Variants in PARD3B observed in about 807,000 individuals in gnomAD.
The protein encoded by PARD3B is partitioning defective 3 homolog B.
Under a neutral mutation model 130.2 loss-of-function variants are expected in PARD3B, and 103 were observed. The observed-to-expected ratio is 0.79, with a 90% confidence interval of 0.67 to 0.93. The LOEUF (loss-of-function observed/expected upper bound fraction) is 0.93, where lower values mean the gene tolerates loss of function less well. Ranked by LOEUF, PARD3B falls within the 40% of genes least tolerant of loss-of-function variation. PARD3B has a pLI of 0.00. For missense variants in PARD3B, 1,609 were observed against 1,499.2 expected (o/e 1.07, Z -1.21); for synonymous variants, 583 against 553.2 (o/e 1.05, Z -0.76).
At chr2:204,818,860 T>C (rs2043234568) in intron 2 of PARD3B, among the ~76,000 whole-genome samples, 1 of 152,236 alleles carries the variant, frequency 6.6e-6, no homozygotes, top group African/African-American at 2.4e-5. Context: ...GATTGAACTA[T>C]TAAATGGAAG....
intron 20 of PARD3B, among the ~76,000 whole-genome samples, chr2:205,462,813 ACT>A (rs2048495491): frequency 6.6e-6 from 1 of 152,104 alleles, no homozygotes; most frequent in African/African-American, 2.4e-5. Flanking sequence ...TTGATTGCAG[ACT>A]CTTAGTCTAG....
At chr2:205,031,407 G>A (rs963680656) in intron 3 of PARD3B, among the ~76,000 whole-genome samples, 2 of 151,986 alleles carry the variant, frequency 1.3e-5, no homozygotes, top group African/African-American at 4.8e-5. Flanking sequence ...ACTGTGCATT[G>A]GTTTGCTTAC....
chr2:205,239,946 G>C (rs11893793), intron 15 of PARD3B, among the ~76,000 whole-genome samples: 16,875 of 152,124 alleles, frequency 0.11, 1,035 homozygotes, highest in African/African-American at 0.17. Flanking sequence ...GTGTGTGTGG[G>C]TGTGGGTGTG....
Position 205,151,356 on chromosome 2 carries a change from G to C in PARD3B, c.1435-7366G>C, listed in dbSNP as rs186563954. On this transcript the variant is annotated intron_variant, in intron 10 of 22. Coordinates refer to ENST00000406610, the MANE Select transcript of PARD3B (RefSeq NM_001302769.2). Reference sequence around the variant, plus strand: ...CTCATTGATCTGTCTAGTGTTGACAGCAGGGTGTTAAAGTCTCCCATTATT... The same window carrying C: ...CTCATTGATCTGTCTAGTGTTGACACCAGGGTGTTAAAGTCTCCCATTATT... Among the ~76,000 whole-genome samples, 16 of 152,324 alleles carry C rather than the reference G, an allele frequency of 1.1e-4. No homozygotes were observed. In the East Asian group the frequency reaches 3.1e-3, roughly 29 times the overall value.
At chr2:204,693,597 C>T (rs753035528) in intron 2 of PARD3B, among the ~76,000 whole-genome samples, 5 of 152,032 alleles carry the variant, frequency 3.3e-5, no homozygotes, top group Non-Finnish European at 7.4e-5. Context: ...ATGTAAATTA[C>T]ATTATTTAAA....
chr2:205,236,084 G>T (rs2039049615), intron 15 of PARD3B, among the ~76,000 whole-genome samples: 1 of 152,146 alleles, frequency 6.6e-6, no homozygotes, highest in Non-Finnish European at 1.5e-5. Context: ...CAATAAATTT[G>T]ACAACTAAAA....
At chr2:205,455,224 G>A (rs1296851350) in intron 20 of PARD3B, among the ~76,000 whole-genome samples, 5 of 151,942 alleles carry the variant, frequency 3.3e-5, no homozygotes, top group African/African-American at 4.8e-5. Flanking sequence ...GAGCATAATC[G>A]TAGTACCTAC....
At chr2:204,992,538 T>G (rs1286222182) in intron 3 of PARD3B, among the ~76,000 whole-genome samples, 8 of 147,952 alleles carry the variant, frequency 5.4e-5, no homozygotes, top group Non-Finnish European at 1.0e-4. Flanking sequence ...TTCTTTTGGC[T>G]TAGGATTGCC....
At chr2:204,765,782 A>G (rs1290907499) in intron 2 of PARD3B, among the ~76,000 whole-genome samples, 2 of 152,200 alleles carry the variant, frequency 1.3e-5, no homozygotes, top group Non-Finnish European at 2.9e-5. Context: ...GAATCTTCCT[A>G]GCACCTGTGG....
intron 15 of PARD3B, among the ~76,000 whole-genome samples, chr2:205,220,815 T>A (rs1160979113): frequency 6.6e-6 from 1 of 152,124 alleles, no homozygotes; most frequent in African/African-American, 2.4e-5. Context: ...AGCACCACAG[T>A]ATGGAAAAGA....
At chr2:205,450,402 T>C (rs2048054750) in intron 20 of PARD3B, among the ~76,000 whole-genome samples, 1 of 148,720 alleles carries the variant, frequency 6.7e-6, no homozygotes. Context: ...AAAGAAAAAG[T>C]AGAAACAGAA....
intron 2 of PARD3B, among the ~76,000 whole-genome samples, chr2:204,850,815 C>T (rs1477382373): frequency 6.6e-6 from 1 of 152,138 alleles, no homozygotes; most frequent in Non-Finnish European, 1.5e-5. Flanking sequence ...TATGTTTTTG[C>T]ATAATGTCTT....
chr2:204,577,598 G>T (rs1247116050), intron 1 of PARD3B, among the ~76,000 whole-genome samples: 1 of 152,094 alleles, frequency 6.6e-6, no homozygotes, highest in Non-Finnish European at 1.5e-5. Context: ...TAGAGACAAG[G>T]TCTTGCTTTG....
intron 18 of PARD3B, among the ~76,000 whole-genome samples, chr2:205,323,023 G>A (rs1405370371): frequency 7.0e-6 from 1 of 143,652 alleles, no homozygotes; most frequent in Non-Finnish European, 1.5e-5. Context: ...TGATTCCCCT[G>A]CCTCAGCCTC....
At chr2:205,593,046 A>G (rs1016219226) in intron 22 of PARD3B, among the ~76,000 whole-genome samples, 2 of 152,246 alleles carry the variant, frequency 1.3e-5, no homozygotes, top group Non-Finnish European at 2.9e-5. Context: ...ACCATCACCA[A>G]CCAAGGAGTA....
At chr2:204,949,642 T>A (rs1689606920) in intron 2 of PARD3B, among the ~76,000 whole-genome samples, 1 of 152,194 alleles carries the variant, frequency 6.6e-6, no homozygotes, top group Admixed American at 6.5e-5. Context: ...TTTTAATTTT[T>A]CATGTGATAG....
chr2:205,131,271 A>G (rs969666877), intron 10 of PARD3B, among the ~76,000 whole-genome samples: 1 of 152,238 alleles, frequency 6.6e-6, no homozygotes, highest in African/African-American at 2.4e-5. Context: ...TGCATGAGAT[A>G]TGTTCTGGAA....
intron 16 of PARD3B, among the ~76,000 whole-genome samples, chr2:205,299,905 A>G (rs1180882259): frequency 2.0e-5 from 3 of 152,248 alleles, no homozygotes; most frequent in East Asian, 3.8e-4. Flanking sequence ...TTGATTGATT[A>G]AATAAATGGC....
chr2:204,927,351 T>A (rs530167413), intron 2 of PARD3B, among the ~76,000 whole-genome samples: 1 of 152,044 alleles, frequency 6.6e-6, no homozygotes, highest in Non-Finnish European at 1.5e-5. Context: ...GAGATCTCCT[T>A]CTCCTTCCAC....
Sources: allele counts gnomAD v4.1 joint callset (sites outside exome capture counted in the v4.1 genomes callset), GRCh38; gene constraint gnomAD v4.1.1; transcripts MANE v1.5; gene names NCBI Gene and HGNC (gene_info 2026-07-23, HGNC 2026-07-21).